The following VRK2 variants were observed in gnomAD, a reference collection of about 807,000 sequenced individuals.
VRK2 encodes the protein VRK serine/threonine kinase 2.
VRK2 carries 60 observed loss-of-function variants against 57.6 expected under a neutral mutation model. The ratio of observed to expected loss-of-function variants is 1.04; its 90% CI spans 0.85 to 1.29. The LOEUF (loss-of-function observed/expected upper bound fraction) is 1.29, where lower values mean the gene tolerates loss of function less well. Ranked by LOEUF, VRK2 falls within the 50% of genes most tolerant of loss-of-function variation. The probability of loss-of-function intolerance (pLI) is 0.00; values close to 1 mark genes in which losing one functional copy is unlikely to be tolerated. For missense variants in VRK2, 705 were observed against 588.1 expected, an observed-to-expected ratio of 1.20 and a Z score of -2.06; for synonymous variants, 231 against 199.2, an observed-to-expected ratio of 1.16 and a Z score of -1.35.
chr2:58,135,134 GT>G lies in VRK2; in HGVS notation c.798-3del. On this transcript the variant is annotated splice_polypyrimidine_tract_variant and splice_region_variant and intron_variant, in intron 9 of 12. Coordinates refer to ENST00000340157, the MANE Select transcript of VRK2 (RefSeq NM_006296.7). ...TGTTCATTGTGCATTACCTTATTTT[GT>G]TTTAGTCTGTTGGACGAGCTCCCCC... The G allele has an allele frequency of 6.2e-7, 1 of 1,613,786 alleles. No individual in the cohort carries two copies. Among genetic ancestry groups the G allele is most frequent in the Non-Finnish European group, 8.5e-7 (1 of 1,179,874 alleles).
intron 7 of VRK2, among the ~76,000 whole-genome samples, chr2:58,117,064 T>C (rs1676629960): frequency 6.6e-6 from 1 of 152,132 alleles, no homozygotes; most frequent in African/African-American, 2.4e-5. Flanking sequence ...GAGGGCCAGA[T>C]TCTAATTTTT....
At chr2:58,108,315 T>C (rs143202483) in intron 7 of VRK2, among the ~76,000 whole-genome samples, 61 of 152,224 alleles carry the variant, frequency 4.0e-4, no homozygotes, top group African/African-American at 1.1e-3. Flanking sequence ...CGAGTTCCTG[T>C]TGATTGCCTG....
Position 58,123,119 on chromosome 2 carries a change from G to T in VRK2, c.562G>T (p.Gly188Ter). The T allele has an allele frequency of 1.3e-6, 2 of 1,599,752 alleles. No homozygotes were observed. Among genetic ancestry groups the T allele is most frequent in the Non-Finnish European group, 1.7e-6 (2 of 1,175,838 alleles). The change falls in exon 8 of 13, where the codon GGA becomes TGA. Residue 188 changes from glycine to a stop codon, truncating the protein, a stop_gained. Transcript: ENST00000340157. LOFTEE classifies it high-confidence loss of function. ...NPDQVYLADYGLSYRYCPNGN... is the reference protein window; with the variant it reads ...NPDQVYLADY ...CTTCCAGGTTTATCTTGCAGATTAT[G>T]GACTTTCCTACAGATATTGTCCCAA...
intron 1 of VRK2, among the ~76,000 whole-genome samples, chr2:58,019,207 T>C (rs1343499078): frequency 6.6e-6 from 1 of 152,144 alleles, no homozygotes; most frequent in Non-Finnish European, 1.5e-5. Context: ...ATTAGAACAA[T>C]AAGGAGAAAT....
chr2:57,962,233 A>G (rs1162506528), intron 1 of VRK2, among the ~76,000 whole-genome samples: 1 of 152,192 alleles, frequency 6.6e-6, no homozygotes, highest in African/African-American at 2.4e-5. Flanking sequence ...AAGGAAAGGA[A>G]GACCCAGAAT....
intron 12 of VRK2, among the ~76,000 whole-genome samples, chr2:58,158,299 T>C (rs1684312792): frequency 1.3e-5 from 2 of 152,222 alleles, no homozygotes; most frequent in African/African-American, 4.8e-5. Context: ...TGTGACTTCG[T>C]TAGCTCAGAA....
intron 2 of VRK2, among the ~76,000 whole-genome samples, chr2:58,054,464 C>T (rs1227238951): frequency 6.6e-6 from 1 of 151,756 alleles, no homozygotes; most frequent in African/African-American, 2.4e-5. Context: ...CCTCTATTGC[C>T]ACACAATAAA....
At chr2:58,079,669 C>T (rs1398008944) in intron 2 of VRK2, among the ~76,000 whole-genome samples, 1 of 151,946 alleles carries the variant, frequency 6.6e-6, no homozygotes, top group Admixed American at 6.6e-5. Context: ...CTTTCAATGG[C>T]AAAACCGTGA....
At chr2:58,091,143 T>C (rs1672319139) in intron 7 of VRK2, among the ~76,000 whole-genome samples, 1 of 152,206 alleles carries the variant, frequency 6.6e-6, no homozygotes, top group African/African-American at 2.4e-5. Context: ...TGAATACATG[T>C]CATCATTTGG....
At chr2:57,939,640 TTTGA>T (rs1378631411) in intron 1 of VRK2, among the ~76,000 whole-genome samples, 1 of 152,208 alleles carries the variant, frequency 6.6e-6, no homozygotes, top group Non-Finnish European at 1.5e-5. Context: ...AAAATGTTAC[TTTGA>T]TTGAGAAAGT....
At chr2:57,909,079 C>G (rs911084684) in intron 1 of VRK2, among the ~76,000 whole-genome samples, 2 of 152,138 alleles carry the variant, frequency 1.3e-5, no homozygotes, top group Non-Finnish European at 2.9e-5. Flanking sequence ...AAAAGCCTCC[C>G]CTTTGCATTC....
chr2:58,130,076 G>A (rs924625334), intron 8 of VRK2, among the ~76,000 whole-genome samples: 19 of 152,154 alleles, frequency 1.2e-4, no homozygotes, highest in Admixed American at 1.2e-3. Context: ...TAAATGACTT[G>A]TCATTACTTA....
chr2:58,043,594 A>G (rs2103729747), upstream of VRK2, among the ~76,000 whole-genome samples: 1 of 152,244 alleles, frequency 6.6e-6, no homozygotes, highest in East Asian at 1.9e-4. Flanking sequence ...TTGCTGAGTG[A>G]TAGTTCATTG....
chr2:58,081,263 AGT>A (rs762304491), intron 2 of VRK2, among the ~76,000 whole-genome samples: 2 of 151,894 alleles, frequency 1.3e-5, no homozygotes, highest in African/African-American at 4.8e-5. Context: ...GACAGGATTG[AGT>A]GTGTGTGTGC....
intron 2 of VRK2, among the ~76,000 whole-genome samples, chr2:58,057,007 T>TTC (rs1676620414): frequency 6.6e-6 from 1 of 152,152 alleles, no homozygotes; most frequent in African/African-American, 2.4e-5. Flanking sequence ...ATGGTGTGCT[T>TTC]TCACACAATG....
intron 7 of VRK2, among the ~76,000 whole-genome samples, chr2:58,121,024 A>G (rs1677424277): frequency 6.6e-6 from 1 of 152,224 alleles, no homozygotes; most frequent in Non-Finnish European, 1.5e-5. Context: ...CTTGACTGGT[A>G]CTATTGCCCT....
At chr2:58,120,155 T>C (rs1038003550) in intron 7 of VRK2, among the ~76,000 whole-genome samples, 1 of 151,170 alleles carries the variant, frequency 6.6e-6, no homozygotes, top group Admixed American at 6.6e-5. Flanking sequence ...CTTTGTATTG[T>C]TAGCTTTTTG....
At chr2:58,119,109 G>A (rs1677002179) in intron 7 of VRK2, among the ~76,000 whole-genome samples, 1 of 152,174 alleles carries the variant, frequency 6.6e-6, no homozygotes, top group Admixed American at 6.5e-5. Context: ...CGATGGCTTG[G>A]CTTGGGCTCA....
At position 58,078,904 on chromosome 2, in the gene VRK2, G is replaced by A. The variant is rs539901492; in HGVS notation, c.137-5185G>A. ...GCCCAAACTGGTCTTAAACTCCTGG[G>A]CTCAGGCAGTCTGCCTGCCTCGGCC... On this transcript the variant is annotated intron_variant, in intron 2 of 12. Coordinates refer to ENST00000340157, the MANE Select transcript of VRK2 (RefSeq NM_006296.7). 3.2e-4 allele frequency among the ~76,000 whole-genome samples: 49 copies of A among 152,176 alleles called. No individual in the cohort carries two copies. In the South Asian group the frequency reaches 7.0e-3, roughly 22 times the overall value.
Sources: allele counts gnomAD v4.1 joint callset (sites outside exome capture counted in the v4.1 genomes callset), GRCh38; gene constraint gnomAD v4.1.1; transcripts MANE v1.5; gene names NCBI Gene and HGNC (gene_info 2026-07-23, HGNC 2026-07-21).